The following SPTBN1 variants were observed in gnomAD, a reference collection of about 807,000 sequenced individuals.
SPTBN1 encodes the protein spectrin beta chain, non-erythrocytic 1.
A neutral mutation model predicts 266.4 loss-of-function variants in SPTBN1; 32 were observed. The observed-to-expected ratio is 0.12, with a 90% CI of 0.09 to 0.16. The LOEUF (loss-of-function observed/expected upper bound fraction) is 0.16, where lower values mean the gene tolerates loss of function less well. Among genes scored for constraint, SPTBN1 ranks in the 10% least tolerant of loss-of-function variants. SPTBN1 has a pLI of 1.00. For synonymous variants in SPTBN1, 1,336 were observed against 1,162.2 expected (o/e 1.15, Z -3.04); for missense variants, 2,296 against 3,067.1 (o/e 0.75, Z 5.94).
intron 2 of SPTBN1, among the ~76,000 whole-genome samples, chr2:54,576,055 C>CTTTTTTGTTTTTTTTTTT (rs1674443494): frequency 5.3e-5 from 1 of 18,734 alleles, no homozygotes; most frequent in Non-Finnish European, 1.1e-4. Flanking sequence ...TCAGATCCAG[C>CTTTTTTGTTTTTTTTTTT]TTTTTTTTTT....
rs568960062 is a variant in SPTBN1 at position 54,607,112 on chromosome 2, G to A, written c.301-5049G>A. 2.0e-5 allele frequency among the ~76,000 whole-genome samples: 3 copies of A among 152,286 alleles called. No homozygotes were observed. In the East Asian group the frequency reaches 5.8e-4, roughly 29 times the overall value. ...GGAGGATATCACATTAATGTGAAAAGCTTAATGTTTAAAGACATTTCTTTT... is the reference window on the plus strand; with the variant it reads ...GGAGGATATCACATTAATGTGAAAAACTTAATGTTTAAAGACATTTCTTTT... On this transcript the variant is annotated intron_variant, in intron 3 of 35. Coordinates refer to ENST00000356805, the MANE Select transcript of SPTBN1 (RefSeq NM_003128.3).
At position 54,626,279 on chromosome 2, in the gene SPTBN1, G is replaced by A. The variant is rs780753796; in HGVS notation, c.1644+45G>A. The A allele has an allele frequency of 1.0e-5, 16 of 1,570,864 alleles. No homozygotes were observed. In the East Asian group the frequency reaches 3.4e-4, roughly 34 times the overall value. On this transcript the variant is annotated intron_variant, in intron 12 of 35. Transcript: ENST00000356805. The surrounding 1 kb of genome is among the most constrained non-coding windows in gnomAD (Gnocchi z 4.7). ...AAGGACGACAGAGCTGATCCAACCA[G>A]GGCTCTCTTTTCTGTGACTCATTCA...
At chr2:54,597,866 CTTTTTTTTTT>C (rs531763576) in intron 2 of SPTBN1, among the ~76,000 whole-genome samples, 1 of 82,192 alleles carries the variant, frequency 1.2e-5, no homozygotes, top group South Asian at 4.9e-4. Context: ...GAGCTATCTG[CTTTTTTTTTT>C]TTTTTTTTTT....
Position 54,601,875 on chromosome 2 carries a change from C to T in SPTBN1, c.300+2632C>T, listed in dbSNP as rs141756241. Among the ~76,000 whole-genome samples the T allele has an allele frequency of 9.4e-4, 143 of 152,238 alleles. 1 individual carries two copies. Among genetic ancestry groups the T allele is most frequent in the African/African-American group, 3.4e-3 (141 of 41,534 alleles). ...ACATTAATGACCCAGACAATTCCAC[C>T]CTCACCCCACCCTGGATTTTGGCTC... is the stretch of plus-strand genomic sequence containing the variant. On this transcript the variant is annotated intron_variant, in intron 3 of 35. Transcript: ENST00000356805.
intron 2 of SPTBN1, among the ~76,000 whole-genome samples, chr2:54,573,843 A>G (rs1284600663): frequency 6.6e-6 from 1 of 152,136 alleles, no homozygotes; most frequent in East Asian, 1.9e-4. Context: ...AAACAAGTCA[A>G]GAGACAGGAA....
At chr2:54,579,147 A>G (rs1674697252) in intron 2 of SPTBN1, among the ~76,000 whole-genome samples, 1 of 152,172 alleles carries the variant, frequency 6.6e-6, no homozygotes, top group Non-Finnish European at 1.5e-5. Flanking sequence ...TTCTTTTCAG[A>G]ATAAAGCTTC....
intron 2 of SPTBN1, among the ~76,000 whole-genome samples, chr2:54,582,792 C>T (rs1416500495): frequency 6.6e-6 from 1 of 152,134 alleles, no homozygotes; most frequent in Non-Finnish European, 1.5e-5. Flanking sequence ...GTAGAACTCT[C>T]TGTAGAGTGG....
chr2:54,551,194 T>C (rs1413107462), intron 2 of SPTBN1, among the ~76,000 whole-genome samples: 1 of 152,238 alleles, frequency 6.6e-6, no homozygotes, highest in Non-Finnish European at 1.5e-5. Context: ...AACTCTGGCC[T>C]GGATGGCTCT....
At chr2:54,650,528 GT>G (rs1337634621) in intron 26 of SPTBN1, among the ~76,000 whole-genome samples, 1 of 152,038 alleles carries the variant, frequency 6.6e-6, no homozygotes, top group Non-Finnish European at 1.5e-5. Context: ...ACAGTTTCTT[GT>G]TTAGTCTTAT....
At chr2:54,610,597 T>C (rs577774609) in intron 3 of SPTBN1, among the ~76,000 whole-genome samples, 8 of 152,164 alleles carry the variant, frequency 5.3e-5, no homozygotes, top group Non-Finnish European at 1.0e-4. Context: ...GATAAAAAGA[T>C]ATTTCACAAA....
intron 17 of SPTBN1, among the ~76,000 whole-genome samples, chr2:54,633,433 G>GTGCGTGTGTGTGTCTGTC (rs1553347562): frequency 1.6e-4 from 25 of 151,802 alleles, no homozygotes; most frequent in African/African-American, 6.0e-4. Flanking sequence ...GTGCGTGTGT[G>GTGCGTGTGTGTGTCTGTC]TGTCTGTCTG....
rs920955320 is a variant in SPTBN1, at chr2:54,669,118, C to T, written c.*549C>T. The T allele has an allele frequency of 4.5e-5, 7 of 153,936 alleles. No homozygotes were observed. Among genetic ancestry groups the T allele is most frequent in the South Asian group, 2.0e-4 (1 of 4,992 alleles). The allele number at this position is 153,936 out of a possible 1,614,324, so 9.5% of individuals were successfully genotyped here. On this transcript the variant is annotated 3_prime_UTR_variant, in exon 36 of 36. Transcript: ENST00000356805. ...ACTCTACAGACCAAACCATTTGTAT[C>T]TGGCATCACTTACTAACACACGACA... is the stretch of plus-strand genomic sequence containing the variant.
chr2:54,490,697 A>T (rs2104011761), intron 1 of SPTBN1, among the ~76,000 whole-genome samples: 1 of 152,324 alleles, frequency 6.6e-6, no homozygotes, highest in South Asian at 2.1e-4. Context: ...TAGGCATCTT[A>T]TTCAGGTAGA....
chr2:54,608,012 G>C (rs570568958), intron 3 of SPTBN1, among the ~76,000 whole-genome samples: 5 of 152,202 alleles, frequency 3.3e-5, no homozygotes, highest in Non-Finnish European at 7.3e-5. Context: ...CAGGGGAAGA[G>C]CAGGGAATGG....
Position 54,512,636 on chromosome 2 carries a change from C to T in SPTBN1, c.-47-13736C>T, listed in dbSNP as rs75655865. 5.6e-3 allele frequency among the ~76,000 whole-genome samples: 859 copies of T among 152,168 alleles called. 8 individuals are homozygous for T. Among genetic ancestry groups the T allele is most frequent in the African/African-American group, 0.02 (810 of 41,512 alleles). On this transcript the variant is annotated intron_variant, in intron 1 of 35. Coordinates refer to ENST00000356805, the MANE Select transcript of SPTBN1 (RefSeq NM_003128.3). ...TCCAAATATGACCCCTCATGTTTTGCGACAGTTGAAAATAAATTTATAATT... is the reference window on the plus strand; with the variant it reads ...TCCAAATATGACCCCTCATGTTTTGTGACAGTTGAAAATAAATTTATAATT...
chr2:54,487,393 A>G (rs1483439543), intron 1 of SPTBN1, among the ~76,000 whole-genome samples: 1 of 98,406 alleles, frequency 1.0e-5, no homozygotes, highest in Non-Finnish European at 1.9e-5. Context: ...CATTTACTAT[A>G]TGCATGACAT....
chr2:54,655,862 A>G (rs1680617538), intron 28 of SPTBN1, 52 bp from the exon 29 acceptor site: 2 of 1,372,440 alleles, frequency 1.5e-6, no homozygotes, highest in Admixed American at 1.7e-5. Context: ...CCCCATCAAG[A>G]GGATGTGGTG....
chr2:54,587,395 G>T (rs139757718), intron 2 of SPTBN1, among the ~76,000 whole-genome samples: 236 of 152,256 alleles, frequency 1.6e-3, no homozygotes, highest in Non-Finnish European at 2.8e-3. Context: ...TACGGTTGGT[G>T]CGCTTTAAAA....
intron 2 of SPTBN1, among the ~76,000 whole-genome samples, chr2:54,545,825 T>C (rs138337091): frequency 6.6e-6 from 1 of 152,208 alleles, no homozygotes; most frequent in Non-Finnish European, 1.5e-5. Context: ...GTGTATATGC[T>C]CTTAGGGAGT....
Sources: gnomAD v4.1 joint callset for allele counts (sites outside exome capture counted in the v4.1 genomes callset) on GRCh38, gnomAD v4.1.1 for gene constraint, Gnocchi (gnomAD v3.1) non-coding constraint, MANE v1.5 for transcripts, NCBI Gene and HGNC (gene_info 2026-07-23, HGNC 2026-07-21) for gene names.